The following CACNG4 variants were observed in gnomAD, a reference collection of about 807,000 sequenced individuals.
The protein encoded by CACNG4 is voltage-dependent calcium channel gamma-4 subunit.
Under a neutral mutation model 22.9 loss-of-function variants are expected in CACNG4, and 8 were observed. The ratio of observed to expected loss-of-function variants is 0.35; its 90% confidence interval spans 0.21 to 0.63. CACNG4 has a LOEUF of 0.63. CACNG4 is among the 30% of genes least tolerant of loss of function. CACNG4 has a pLI of 0.72. For missense variants in CACNG4, 357 were observed against 455.4 expected (o/e 0.78, Z 1.97); for synonymous variants, 188 against 191.9 (o/e 0.98, Z 0.17).
chr17:66,985,820 T>G (rs2035302176), intron 1 of CACNG4, among the ~76,000 whole-genome samples: 1 of 151,398 alleles, frequency 6.6e-6, no homozygotes, highest in African/African-American at 2.4e-5. Context: ...GTCCAAGGAG[T>G]GGCAGTAGCA....
intron 1 of CACNG4, among the ~76,000 whole-genome samples, chr17:67,014,460 C>T (rs975732534): frequency 1.2e-4 from 18 of 152,082 alleles, no homozygotes; most frequent in African/African-American, 4.1e-4. Context: ...GAGTCAACAG[C>T]GATACCCAGT....
chr17:67,012,174 G>A (rs565236670), intron 1 of CACNG4, among the ~76,000 whole-genome samples: 4 of 152,316 alleles, frequency 2.6e-5, no homozygotes, highest in African/African-American at 9.6e-5. Context: ...CCCTGTGCAG[G>A]GGACCAGGTG....
intron 1 of CACNG4, among the ~76,000 whole-genome samples, chr17:66,978,085 T>C (rs1054432839): frequency 2.0e-5 from 3 of 152,174 alleles, no homozygotes; most frequent in Non-Finnish European, 2.9e-5. Flanking sequence ...ACTCTTTTGC[T>C]TGGCATCTTG....
At chr17:66,983,340 A>G (rs3826346) in intron 1 of CACNG4, among the ~76,000 whole-genome samples, 4,686 of 152,310 alleles carry the variant, frequency 0.031, 215 homozygotes, top group East Asian at 0.22. Context: ...CGCTGGGGAA[A>G]AGGCGAGGTT....
intron 1 of CACNG4, among the ~76,000 whole-genome samples, chr17:66,974,107 T>A (rs1210662812): frequency 6.6e-6 from 1 of 152,134 alleles, no homozygotes; most frequent in Non-Finnish European, 1.5e-5. Context: ...GATGAGGGAC[T>A]GGGGCGGATA....
At chr17:66,977,378 G>A (rs1172279663) in intron 1 of CACNG4, among the ~76,000 whole-genome samples, 2 of 152,164 alleles carry the variant, frequency 1.3e-5, no homozygotes, top group Non-Finnish European at 2.9e-5. Flanking sequence ...GCAGAAGGGA[G>A]TCGAAGATGA....
rs1399063975 is a variant in CACNG4, at chr17:67,031,858, C to T, written c.*854C>T. On this transcript the variant is annotated 3_prime_UTR_variant, in exon 4 of 4. Coordinates refer to ENST00000262138, the MANE Select transcript of CACNG4 (RefSeq NM_014405.4). The surrounding 1 kb of genome is among the most constrained non-coding windows in gnomAD (Gnocchi z 4.0). ...TCATAGACCCAAGGAGCAACTCTGT[C>T]CCCTGAGCGTTGGGGGTCCCGGGGG... 4 of 456,680 alleles carry T rather than the reference C, an allele frequency of 8.8e-6. No individual in the cohort carries two copies. The highest frequency in any genetic ancestry group is 2.3e-5 in the Admixed American group (1 of 42,578). The allele number at this position is 456,680 out of a possible 1,614,324, so 28.3% of individuals were successfully genotyped here.
chr17:67,030,935 CTT>C lies in CACNG4; in HGVS notation c.919_920del (p.Phe307ProfsTer106). On this transcript the variant is annotated frameshift_variant, in exon 4 of 4. Coordinates refer to ENST00000262138, the MANE Select transcript of CACNG4 (RefSeq NM_014405.4). LOFTEE classifies it high-confidence loss of function. The surrounding 1 kb of genome is among the most constrained non-coding windows in gnomAD (Gnocchi z 6.4). ...AGGCCAGCTTCCTGCAGGTGCATGA[CTT>C]TTTCCAGCAGGACCTGAAGGAAGGT... is the stretch of plus-strand genomic sequence containing the variant. ...QEASFLQVHDFFQQDLKEGFH... is the reference protein window; with the variant it reads ...QEASFLQVHDXFQQDLKEGFH... 1 of 1,613,690 alleles carries C rather than the reference CTT, an allele frequency of 6.2e-7. No homozygotes were observed. Among genetic ancestry groups the C allele is most frequent in the South Asian group, 1.1e-5 (1 of 91,082 alleles).
chr17:66,971,776 G>C (rs1180822268), intron 1 of CACNG4, among the ~76,000 whole-genome samples: 1 of 152,192 alleles, frequency 6.6e-6, no homozygotes, highest in African/African-American at 2.4e-5. Flanking sequence ...GGATGGAGGA[G>C]AGGGAGCAAG....
chr17:67,018,290 T>C lies in CACNG4; in HGVS notation c.304+18T>C, dbSNP rs2035512546. On this transcript the variant is annotated intron_variant, in intron 2 of 3. Coordinates refer to ENST00000262138, the MANE Select transcript of CACNG4 (RefSeq NM_014405.4). ...CCTCCTCCGTGAGTGTCAGGAGGCC[T>C]GGACTCTCTTTCTGTGGGGAGGCGG... 3 of 1,598,636 alleles carry C rather than the reference T, an allele frequency of 1.9e-6. No homozygotes were observed. The highest frequency in any genetic ancestry group is 4.5e-5 in the East Asian group (2 of 44,790).
At chr17:66,972,869 TGAGCTGA>T (rs1307326503) in intron 1 of CACNG4, among the ~76,000 whole-genome samples, 1 of 152,086 alleles carries the variant, frequency 6.6e-6, no homozygotes, top group African/African-American at 2.4e-5. Context: ...GAGGTTGCAG[TGAGCTGA>T]GATCCCACCA....
chr17:66,971,154 A>G (rs2035201809), intron 1 of CACNG4, among the ~76,000 whole-genome samples: 1 of 152,134 alleles, frequency 6.6e-6, no homozygotes, highest in African/African-American at 2.4e-5. Flanking sequence ...TCTGTCATAC[A>G]AACCCCGGAA....
intron 1 of CACNG4, among the ~76,000 whole-genome samples, chr17:67,006,008 T>C (rs2035435393): frequency 6.6e-6 from 1 of 152,150 alleles, no homozygotes; most frequent in Admixed American, 6.5e-5. Flanking sequence ...GGCCCGACAT[T>C]ATCCCATCAA....
chr17:66,989,975 T>C (rs2035329158), intron 1 of CACNG4, among the ~76,000 whole-genome samples: 1 of 152,168 alleles, frequency 6.6e-6, no homozygotes, highest in South Asian at 2.1e-4. Flanking sequence ...GGGTGAAAAA[T>C]ACATTCATTT....
At chr17:67,003,754 C>A (rs549085096) in intron 1 of CACNG4, among the ~76,000 whole-genome samples, 2 of 152,288 alleles carry the variant, frequency 1.3e-5, no homozygotes, top group East Asian at 1.9e-4. Flanking sequence ...CTGTAGAGAA[C>A]CTTGCACTAG....
chr17:66,967,494 C>T (rs989981912), intron 1 of CACNG4, among the ~76,000 whole-genome samples: 1 of 152,190 alleles, frequency 6.6e-6, no homozygotes, highest in Admixed American at 6.5e-5. Context: ...TCACCTCCTA[C>T]GATGCCTCCA....
intron 1 of CACNG4, among the ~76,000 whole-genome samples, chr17:67,009,164 T>G (rs1291361929): frequency 6.6e-6 from 1 of 152,134 alleles, no homozygotes; most frequent in East Asian, 1.9e-4. Context: ...GCTTTCTCCC[T>G]CACAGCCCTC....
intron 1 of CACNG4, among the ~76,000 whole-genome samples, chr17:67,002,618 TTCTCTCTC>T (rs58727233): frequency 2.7e-5 from 4 of 145,532 alleles, no homozygotes; most frequent in South Asian, 2.2e-4. Context: ...ATCTCTCTCT[TTCTCTCTC>T]TCTCTCTCTC....
At chr17:66,998,235 T>C (rs1164732146) in intron 1 of CACNG4, among the ~76,000 whole-genome samples, 1 of 152,064 alleles carries the variant, frequency 6.6e-6, no homozygotes, top group African/African-American at 2.4e-5. Context: ...CTTTTTTATT[T>C]TTAAAGAGAT....
Sources: allele counts gnomAD v4.1 joint callset (sites outside exome capture counted in the v4.1 genomes callset), GRCh38; gene constraint gnomAD v4.1.1; non-coding constraint Gnocchi (gnomAD v3.1); transcripts MANE v1.5; gene names NCBI Gene and HGNC (gene_info 2026-07-23, HGNC 2026-07-21).